ANKRD6: variants seen among roughly 807,000 people sequenced by gnomAD.
ANKRD6 encodes ankyrin repeat domain 6.
A neutral mutation model predicts 82.3 loss-of-function variants in ANKRD6; 56 were observed. That is an observed-to-expected ratio of 0.68 (90% confidence interval 0.55 to 0.85). The LOEUF (loss-of-function observed/expected upper bound fraction) is 0.85. ANKRD6 is among the 40% of genes least tolerant of loss of function. The pLI is 0.00. For synonymous variants in ANKRD6, 347 were observed against 352.1 expected (o/e 0.99, Z 0.16); for missense variants, 852 against 907.6 (o/e 0.94, Z 0.79).
intron 3 of ANKRD6, among the ~76,000 whole-genome samples, chr6:89,599,012 T>A (rs1796501198): frequency 6.6e-6 from 1 of 152,138 alleles, no homozygotes; most frequent in Non-Finnish European, 1.5e-5. Context: ...CCTAGGCTTA[T>A]CAATAAAATG....
rs1166814633 is a variant in ANKRD6 at position 89,567,112 on chromosome 6, T to TA, written c.120+17dup. 6.4e-7 allele frequency: 1 copy of TA among 1,571,902 alleles called. No individual in the cohort carries two copies. Among genetic ancestry groups the TA allele is most frequent in the East Asian group, 2.3e-5 (1 of 42,760 alleles). Reference sequence around the variant, plus strand: ...GGTTACCAAGGTAACAAGAGAAAAATACGCTGTAGCCATTCCCTGGGAACT... The same window carrying TA: ...GGTTACCAAGGTAACAAGAGAAAAATAACGCTGTAGCCATTCCCTGGGAACT... On this transcript the variant is annotated intron_variant, in intron 2 of 15. Transcript: ENST00000339746.
At chr6:89,506,182 A>G (rs1779828188) in intron 1 of ANKRD6, among the ~76,000 whole-genome samples, 1 of 152,204 alleles carries the variant, frequency 6.6e-6, no homozygotes, top group Admixed American at 6.5e-5. Flanking sequence ...GAAAATTGCA[A>G]GGAGAGTAGA....
chr6:89,587,243 C>T (rs1293873318), intron 2 of ANKRD6, among the ~76,000 whole-genome samples: 1 of 149,330 alleles, frequency 6.7e-6, no homozygotes, highest in African/African-American at 2.5e-5. Context: ...GTAATCCCAA[C>T]ACTTCGGGAG....
At chr6:89,521,167 A>G (rs372625932) in intron 1 of ANKRD6, among the ~76,000 whole-genome samples, 1 of 152,188 alleles carries the variant, frequency 6.6e-6, no homozygotes, top group Non-Finnish European at 1.5e-5. Context: ...CCATGTGTCA[A>G]CCTGAGGCTT....
intron 1 of ANKRD6, among the ~76,000 whole-genome samples, chr6:89,514,011 G>A (rs145696474): frequency 5.9e-5 from 9 of 152,274 alleles, no homozygotes; most frequent in Admixed American, 1.3e-4. Flanking sequence ...TGTCTCACCC[G>A]TGGCCAGTGG....
intron 1 of ANKRD6, among the ~76,000 whole-genome samples, chr6:89,480,528 A>G (rs539359377): frequency 2.6e-4 from 39 of 150,696 alleles, no homozygotes; most frequent in Admixed American, 4.6e-4. Flanking sequence ...TATTTTGTAT[A>G]TTTTTTATAT....
intron 2 of ANKRD6, among the ~76,000 whole-genome samples, chr6:89,586,291 T>G (rs1793667624): frequency 6.6e-6 from 1 of 152,170 alleles, no homozygotes; most frequent in Admixed American, 6.5e-5. Context: ...TGTTTTCTGG[T>G]TTTTGTTAGA....
At chr6:89,447,463 A>G (rs1282846423) in intron 1 of ANKRD6, among the ~76,000 whole-genome samples, 1 of 152,200 alleles carries the variant, frequency 6.6e-6, no homozygotes, top group Non-Finnish European at 1.5e-5. Context: ...GCTGCAGAAA[A>G]AAAGTCTGAA....
intron 1 of ANKRD6, among the ~76,000 whole-genome samples, chr6:89,529,326 T>C (rs1052133797): frequency 6.6e-6 from 1 of 152,236 alleles, no homozygotes; most frequent in African/African-American, 2.4e-5. Flanking sequence ...TGAAAGATGA[T>C]TCCTTTCCTT....
At chr6:89,435,358 G>A (rs186051281) in intron 1 of ANKRD6, among the ~76,000 whole-genome samples, 9 of 152,064 alleles carry the variant, frequency 5.9e-5, no homozygotes, top group Non-Finnish European at 8.8e-5. Flanking sequence ...CTCACTTCTC[G>A]CCTCCCACCC....
At chr6:89,572,450 T>A (rs1790132841) in intron 2 of ANKRD6, among the ~76,000 whole-genome samples, 1 of 152,244 alleles carries the variant, frequency 6.6e-6, no homozygotes, top group East Asian at 1.9e-4. Flanking sequence ...TTCTAGTAGC[T>A]TTACAGTGGT....
At chr6:89,604,506 C>T (rs935844902) in intron 4 of ANKRD6, among the ~76,000 whole-genome samples, 2 of 151,134 alleles carry the variant, frequency 1.3e-5, no homozygotes, top group Admixed American at 6.6e-5. Flanking sequence ...CTGGGAAGAA[C>T]TCTGCTTTAC....
At chr6:89,560,224 C>T (rs1235942650) in intron 1 of ANKRD6, among the ~76,000 whole-genome samples, 2 of 152,224 alleles carry the variant, frequency 1.3e-5, no homozygotes, top group African/African-American at 4.8e-5. Flanking sequence ...TCTTCCAGTT[C>T]TACTTTCCAG....
At chr6:89,504,309 C>T (rs1462490877) in intron 1 of ANKRD6, among the ~76,000 whole-genome samples, 2 of 152,008 alleles carry the variant, frequency 1.3e-5, no homozygotes, top group South Asian at 2.1e-4. Context: ...AAATGGGATG[C>T]GTAGGGAACG....
chr6:89,567,965 C>G (rs1020059958), intron 2 of ANKRD6, among the ~76,000 whole-genome samples: 1 of 152,236 alleles, frequency 6.6e-6, no homozygotes, highest in Non-Finnish European at 1.5e-5. Flanking sequence ...CACCTGTTAA[C>G]TTCTGACCTC....
At chr6:89,567,609 A>G (rs1253081344) in intron 2 of ANKRD6, among the ~76,000 whole-genome samples, 2 of 152,206 alleles carry the variant, frequency 1.3e-5, no homozygotes, top group Non-Finnish European at 2.9e-5. Flanking sequence ...GCCAACAGAG[A>G]AGACTATGAA....
intron 2 of ANKRD6, among the ~76,000 whole-genome samples, chr6:89,574,728 C>A (rs12660172): frequency 0.33 from 50,159 of 151,888 alleles, 8,550 homozygotes; most frequent in South Asian, 0.59. Flanking sequence ...GATCAGGTAA[C>A]CTGCCCTAAG....
intron 5 of ANKRD6, among the ~76,000 whole-genome samples, chr6:89,607,115 A>G (rs558219148): frequency 1.3e-5 from 2 of 150,380 alleles, no homozygotes; most frequent in South Asian, 2.1e-4. Flanking sequence ...AGTTGCAGTG[A>G]GCTTAGTTCG....
chr6:89,522,928 A>G (rs1782051678), intron 1 of ANKRD6, among the ~76,000 whole-genome samples: 1 of 152,092 alleles, frequency 6.6e-6, no homozygotes, highest in South Asian at 2.1e-4. Context: ...AATCCTCCTG[A>G]GACCCAGCCT....
Sources: gnomAD v4.1 joint callset for allele counts (sites outside exome capture counted in the v4.1 genomes callset) on GRCh38, gnomAD v4.1.1 for gene constraint, MANE v1.5 for transcripts, NCBI Gene and HGNC (gene_info 2026-07-23, HGNC 2026-07-21) for gene names.